The following RTN4 variants were observed in gnomAD, a reference collection of about 807,000 sequenced individuals.
The protein encoded by RTN4 is reticulon-4.
A neutral mutation model predicts 90.4 loss-of-function variants in RTN4; 32 were observed. The observed-to-expected ratio is 0.35, with a 90% CI of 0.27 to 0.48. RTN4 has a LOEUF of 0.48. Among genes scored for constraint, RTN4 ranks in the 20% least tolerant of loss-of-function variants. RTN4 has a pLI of 0.99. For synonymous variants in RTN4, 629 were observed against 552.5 expected (o/e 1.14, Z -1.94); for missense variants, 1,706 against 1,430.2 (o/e 1.19, Z -3.11).
intron 3 of RTN4, among the ~76,000 whole-genome samples, chr2:55,009,003 T>C (rs1022166048): frequency 1.3e-5 from 2 of 151,978 alleles, no homozygotes; most frequent in Admixed American, 6.6e-5. Flanking sequence ...TCTATTATTT[T>C]TTAAGTTGCA....
intron 1 of RTN4, among the ~76,000 whole-genome samples, chr2:55,093,788 C>A (rs188703227): frequency 6.6e-6 from 1 of 152,340 alleles, no homozygotes; most frequent in East Asian, 1.9e-4. Context: ...CCTTAACTAA[C>A]TCCCTGTTAA....
At chr2:55,092,442 C>T (rs1573512304) in intron 1 of RTN4, among the ~76,000 whole-genome samples, 1 of 152,182 alleles carries the variant, frequency 6.6e-6, no homozygotes, top group South Asian at 2.1e-4. Flanking sequence ...TCCATGTTGT[C>T]AGCCTGGTCT....
chr2:54,985,065 G>A (rs1266934906), intron 4 of RTN4, among the ~76,000 whole-genome samples: 1 of 150,798 alleles, frequency 6.6e-6, no homozygotes. Context: ...AGAAGTTTTG[G>A]CTTGACAATA....
chr2:55,013,319 C>G (rs1034506299), intron 3 of RTN4, among the ~76,000 whole-genome samples: 12 of 152,080 alleles, frequency 7.9e-5, no homozygotes, highest in African/African-American at 2.9e-4. Flanking sequence ...ATGTCCATGT[C>G]CCCAGTATCC....
At chr2:55,118,456 C>A in the RTN4 span, among the ~76,000 whole-genome samples, 2 of 151,576 alleles carry the variant, frequency 1.3e-5, no homozygotes, top group Admixed American at 1.3e-4. Context: ...TGGAGCAAGA[C>A]CCTGTCTCAA....
intron 3 of RTN4, chr2:55,014,475 A>C (rs1573383714): frequency 6.6e-6 from 1 of 152,146 alleles, no homozygotes; most frequent in South Asian, 2.1e-4. Context: ...GGCTATGCTA[A>C]TCTTCTCTGT....
At chr2:55,052,459 A>G (rs2104991785), upstream of RTN4, among the ~76,000 whole-genome samples, 1 of 152,350 alleles carries the variant, frequency 6.6e-6, no homozygotes, top group South Asian at 2.1e-4. Context: ...TTAATTATCA[A>G]CAATATATTC....
chr2:54,973,731 G>A (rs1677348947), intron 7 of RTN4, 90 bp downstream of exon 7: 1 of 1,497,446 alleles, frequency 6.7e-7, no homozygotes, highest in Non-Finnish European at 9.3e-7. Context: ...ATTTTTGTAA[G>A]ACATTGAAAA....
chr2:55,027,506 G>A (rs753865205), intron 2 of RTN4, 21 bp from the exon 3 acceptor site: 1 of 1,567,496 alleles, frequency 6.4e-7, no homozygotes, highest in Non-Finnish European at 8.6e-7. Flanking sequence ...GGACAGAAAG[G>A]AAAGTTAGAG....
chr2:55,010,175 A>G (rs958496370), intron 3 of RTN4: 1 of 1,610,854 alleles, frequency 6.2e-7, no homozygotes, highest in Non-Finnish European at 8.5e-7. Context: ...TACCAACAGA[A>G]AAGCTGTAAC....
intron 3 of RTN4, among the ~76,000 whole-genome samples, chr2:55,024,149 C>T (rs939856996): frequency 2.0e-5 from 3 of 152,122 alleles, no homozygotes; most frequent in Non-Finnish European, 4.4e-5. Context: ...TCTCATACTG[C>T]CACCCATACA....
intron 1 of RTN4, among the ~76,000 whole-genome samples, chr2:55,028,621 C>A (rs1433206490): frequency 6.6e-6 from 1 of 152,134 alleles, no homozygotes; most frequent in African/African-American, 2.4e-5. Flanking sequence ...ATACAATTAA[C>A]AACTACAAAT....
chr2:54,994,795 T>C (rs1173305855), intron 3 of RTN4, among the ~76,000 whole-genome samples: 2 of 152,256 alleles, frequency 1.3e-5, no homozygotes, highest in East Asian at 1.9e-4. Flanking sequence ...CATGATCTTA[T>C]ACAGTAAATC....
chr2:55,094,153 A>G (rs1197724658), intron 1 of RTN4, among the ~76,000 whole-genome samples: 1 of 152,150 alleles, frequency 6.6e-6, no homozygotes. Context: ...GATTTAGATG[A>G]GGCCCTGAGA....
chr2:55,059,124 AT>A (rs974777648), intron 2 of RTN4, among the ~76,000 whole-genome samples: 4 of 150,116 alleles, frequency 2.7e-5, no homozygotes, highest in African/African-American at 7.4e-5. Context: ...AAGTCAATTC[AT>A]TTTTTTTTCA....
intron 5 of RTN4, among the ~76,000 whole-genome samples, chr2:54,981,927 T>C (rs1263594107): frequency 6.6e-6 from 1 of 151,950 alleles, no homozygotes; most frequent in Non-Finnish European, 1.5e-5. Flanking sequence ...TTTTAATCTT[T>C]ATGATTTCCG....
At chr2:55,001,614 T>C (rs965409359) in intron 3 of RTN4, among the ~76,000 whole-genome samples, 2 of 152,188 alleles carry the variant, frequency 1.3e-5, no homozygotes, top group African/African-American at 2.4e-5. Context: ...AAATCAACAG[T>C]GCAAAATTGC....
chr2:55,005,408 T>G (rs1398518824), intron 3 of RTN4, among the ~76,000 whole-genome samples: 1 of 152,142 alleles, frequency 6.6e-6, no homozygotes, highest in African/African-American at 2.4e-5. Flanking sequence ...ATTTAATGAG[T>G]TAACACTGAC....
chr2:55,061,066 A>ATTTTTT (rs36001702), intron 2 of RTN4, among the ~76,000 whole-genome samples: 25 of 140,706 alleles, frequency 1.8e-4, no homozygotes, highest in African/African-American at 6.4e-4. Flanking sequence ...AAAAATAAGA[A>ATTTTTT]TTTTTTTTTT....
Sources: allele counts gnomAD v4.1 joint callset (sites outside exome capture counted in the v4.1 genomes callset), GRCh38; gene constraint gnomAD v4.1.1; transcripts MANE v1.5; gene names NCBI Gene and HGNC (gene_info 2026-07-23, HGNC 2026-07-21).